TBRG4: variants seen among roughly 807,000 people sequenced by gnomAD.
The protein encoded by TBRG4 is transforming growth factor beta regulator 4.
A neutral mutation model predicts 65.6 loss-of-function variants in TBRG4; 43 were observed. The observed-to-expected ratio is 0.66, with a 90% CI of 0.51 to 0.85. TBRG4 has a LOEUF of 0.85. Among genes scored for constraint, TBRG4 ranks in the 40% least tolerant of loss-of-function variants. The pLI is 0.00. For missense variants in TBRG4, 709 were observed against 787.9 expected (o/e 0.90, Z 1.20); for synonymous variants, 366 against 341.4 (o/e 1.07, Z -0.79).
chr7:45,111,180 C>T lies in TBRG4; in HGVS notation c.-51+463G>A, dbSNP rs544589828. Among the ~76,000 whole-genome samples the T allele has an allele frequency of 2.0e-5, 3 of 152,174 alleles. No individual in the cohort carries two copies. The East Asian group carries it at 5.8e-4, about 29-fold the overall frequency. ...TAGTAGAGACAGGGTTTCACCATGA[C>T]CTCAAGTGATCCACCCGTCTCGGCC... On this transcript the variant is annotated intron_variant, in intron 1 of 10. Transcript: ENST00000258770.
intron 5 of TBRG4, 108 bp downstream of exon 5, chr7:45,103,991 C>A (rs1354521206): frequency 2.2e-6 from 3 of 1,392,706 alleles, no homozygotes; most frequent in African/African-American, 1.5e-5. Context: ...TATTTGCCCC[C>A]ACAAGTGAGC....
At chr7:45,110,628 G>A (rs1348067482) in intron 1 of TBRG4, 3 of 148,648 alleles carry the variant, frequency 2.0e-5, no homozygotes, top group Admixed American at 6.7e-5. Flanking sequence ...GTGGCAGAGC[G>A]AGACTCTGTC....
chr7:45,101,664 A>C (rs1784769318), intron 8 of TBRG4, 50 bp from the exon 9 acceptor site: 6 of 1,599,578 alleles, frequency 3.8e-6, no homozygotes, highest in South Asian at 2.2e-5. Flanking sequence ...TCCCTCAGAA[A>C]CCCCCCCACA....
intron 6 of TBRG4, 112 bp from the exon 7 acceptor site, chr7:45,102,603 G>A: frequency 2.1e-6 from 3 of 1,433,096 alleles, no homozygotes; most frequent in South Asian, 2.7e-5. Flanking sequence ...GATGAGGCCA[G>A]AGGAGGCTAC....
Position 45,109,185 on chromosome 7 carries a change from C to A in TBRG4, c.53G>T (p.Arg18Leu), listed in dbSNP as rs145556572. The A allele has an allele frequency of 6.2e-7, 1 of 1,612,856 alleles. No individual in the cohort carries two copies. Residue 18 changes from arginine to leucine, a missense_variant, in exon 2 of 11, where the codon CGT becomes CTT. Coordinates refer to ENST00000258770, the MANE Select transcript of TBRG4 (RefSeq NM_004749.4). ...RCTCLLREAA[R>L]QAPAMAPVGR... ...AACTGGAGCCATGGCAGGGGCCTGA[C>A]GAGCAGCTTCTCTCAGGAGGCACGT...
At chr7:45,102,721 A>G (rs1784808883) in intron 6 of TBRG4, 1 of 571,588 alleles carries the variant, frequency 1.7e-6, no homozygotes, top group Non-Finnish European at 3.0e-6. Flanking sequence ...GAACAGCAGA[A>G]GAGTGCTGCT....
At chr7:45,101,406 A>C (rs926200048) in intron 9 of TBRG4, 34 bp from the exon 10 acceptor site, 45 of 1,610,500 alleles carry the variant, frequency 2.8e-5, no homozygotes, top group Non-Finnish European at 3.8e-5. Context: ...ACATGCTTCC[A>C]CTCTCCCAGC....
rs762317546 is a variant in TBRG4 at position 45,103,437 on chromosome 7, G to A, written c.1072C>T (p.Leu358=). The A allele has an allele frequency of 3.1e-6, 5 of 1,612,446 alleles. No homozygotes were observed. The East Asian group carries it at 1.1e-4, about 36-fold the overall frequency. Residue 358 remains leucine (L), a synonymous_variant, in exon 6 of 11, where the codon CTG becomes TTG. Transcript: ENST00000258770. The part of the protein sequence containing the change: ...PLFEAFAQHV[L]NRAQDITLPH... ...AGGGTGATGTCCTGCGCTCTGTTCA[G>A]GACGTGCTGGGTGGGTCAGAAATAG... is the stretch of plus-strand genomic sequence containing the variant.
intron 5 of TBRG4, chr7:45,103,888 G>C (rs994539352): frequency 8.9e-6 from 6 of 674,918 alleles, no homozygotes; most frequent in Non-Finnish European, 1.2e-5. Flanking sequence ...CACTTATAAT[G>C]GTCAGTGAAA....
At chr7:45,110,745 C>T (rs1419323435) in intron 1 of TBRG4, 1 of 152,162 alleles carries the variant, frequency 6.6e-6, no homozygotes, top group Non-Finnish European at 1.5e-5. Flanking sequence ...AAACGTTCAC[C>T]TAGGCCTCAT....
At chr7:45,104,789 C>G (rs1784884989) in intron 3 of TBRG4, 80 bp from the exon 4 acceptor site, 6 of 1,570,272 alleles carry the variant, frequency 3.8e-6, no homozygotes, top group Non-Finnish European at 5.2e-6. Flanking sequence ...TCCCATGGTC[C>G]CATCCAGTGC....
At position 45,105,511 on chromosome 7, in the gene TBRG4, T is replaced by C; in HGVS notation, c.665A>G (p.His222Arg). The C allele has an allele frequency of 6.2e-7, 1 of 1,614,204 alleles. No individual in the cohort carries two copies. Among genetic ancestry groups the C allele is most frequent in the Non-Finnish European group, 8.5e-7 (1 of 1,180,030 alleles). The change falls in exon 3 of 11, where the codon CAC becomes CGC. Residue 222 changes from histidine to arginine, a missense_variant. Transcript: ENST00000258770. ...ERRWTEIEDS[H>R]TLVTVMMKVG... is the part of the protein sequence containing the mutation. ...CTTCATCATGACGGTCACTAATGTG[T>C]GGGAATCTTCAATTTCTGTCCAACG...
Position 45,109,258 on chromosome 7 carries a change from G to T in TBRG4, c.-21C>A. ...GCCATGATGTCCTGGGTGGCAGAGA[G>T]ACAAGACTCCTAGCAAGTGATTCCA... On this transcript the variant is annotated 5_prime_UTR_variant, in exon 2 of 11. Transcript: ENST00000258770. 1 of 1,551,258 alleles carries T rather than the reference G, an allele frequency of 6.4e-7. No homozygotes were observed. The highest frequency in any genetic ancestry group is 8.7e-7 in the Non-Finnish European group (1 of 1,150,890).
At position 45,104,603 on chromosome 7, in the gene TBRG4, T is replaced by A; in HGVS notation, c.842A>T (p.Tyr281Phe). 6.2e-7 allele frequency: 1 copy of A among 1,613,904 alleles called. No individual in the cohort carries two copies. Residue 281 changes from tyrosine to phenylalanine, a missense_variant, in exon 4 of 11, where the codon TAC becomes TTC. By Grantham distance (22) the Tyr-to-Phe change is conservative. Transcript: ENST00000258770. ...AGAGAAGGGCTTCTGCACCAGGTGG[T>A]AGGAGATGGCCCGCAGCAAGGGCAC... ...RSVPLLRAIS[Y>F]HLVQKPFSLT...
At position 45,104,160 on chromosome 7, in the gene TBRG4, C is replaced by G; in HGVS notation, c.1004G>C (p.Cys335Ser). ...PSLTSGEVAH[C>S]AKSFALLKWL... is the part of the protein sequence containing the mutation. ...CTTGAGTAAGGCGAAGGACTTGGCA[C>G]AGTGGGCCACCTCACCAGAAGTCAG... Residue 335 changes from cysteine (C) to serine (S), a missense_variant, in exon 5 of 11, where the codon TGT (cysteine) becomes TCT (serine). By Grantham distance (112) the Cys-to-Ser change is moderately radical. Coordinates refer to ENST00000258770, the MANE Select transcript of TBRG4 (RefSeq NM_004749.4). 6.2e-7 allele frequency: 1 copy of G among 1,614,004 alleles called. No individual in the cohort carries two copies. The highest frequency in any genetic ancestry group is 8.5e-7 in the Non-Finnish European group (1 of 1,180,010).
At chr7:45,108,766 C>A in intron 2 of TBRG4, 61 bp downstream of exon 2, 2 of 1,418,080 alleles carry the variant, frequency 1.4e-6, no homozygotes, top group Non-Finnish European at 1.9e-6. Context: ...CTGCTGTGGA[C>A]CCCAGCATTT....
At chr7:45,106,140 G>C (rs368640694) in intron 2 of TBRG4, 1 of 519,188 alleles carries the variant, frequency 1.9e-6, no homozygotes, top group African/African-American at 1.9e-5. Context: ...GCACAGGCCA[G>C]ATCCAAGGGT....
At chr7:45,107,013 G>T (rs1480424147) in intron 2 of TBRG4, 1 of 152,110 alleles carries the variant, frequency 6.6e-6, no homozygotes, top group Non-Finnish European at 1.5e-5. Flanking sequence ...ACCCTCAACT[G>T]CCTGCAAAGG....
intron 1 of TBRG4, among the ~76,000 whole-genome samples, chr7:45,109,641 AT>A (rs951875670): frequency 1.3e-5 from 2 of 151,718 alleles, no homozygotes; most frequent in African/African-American, 4.8e-5. Flanking sequence ...GACAGCATTA[AT>A]TTTTTTTTAT....
Sources: allele counts gnomAD v4.1 joint callset (sites outside exome capture counted in the v4.1 genomes callset), GRCh38; gene constraint gnomAD v4.1.1; transcripts MANE v1.5; gene names NCBI Gene and HGNC (gene_info 2026-07-23, HGNC 2026-07-21).